Variants in ANKRD6 observed in about 807,000 individuals in gnomAD.
The protein encoded by ANKRD6 is ankyrin repeat domain 6, also known as ankyrin repeat domain-containing protein 6.
ANKRD6 carries 56 observed loss-of-function variants against 82.3 expected under a neutral mutation model. The observed-to-expected ratio is 0.68, with a 90% CI of 0.55 to 0.85. The LOEUF is 0.85. Among genes scored for constraint, ANKRD6 ranks in the 40% least tolerant of loss-of-function variants. The pLI, the probability that ANKRD6 is intolerant of heterozygous loss-of-function variation, is 0.00. For synonymous variants in ANKRD6, 347 were observed against 352.1 expected, an observed-to-expected ratio of 0.99 and a Z score of 0.16; for missense variants, 852 against 907.6, an observed-to-expected ratio of 0.94 and a Z score of 0.79.
In ANKRD6 at chr6:89,499,377, G is replaced by A. The variant is rs186072685; in HGVS notation, c.-144+66002G>A. 3.3e-4 allele frequency among the ~76,000 whole-genome samples: 50 copies of A among 152,298 alleles called. 1 individual carries two copies. The East Asian group carries it at 9.6e-3, about 29-fold the overall frequency. ...TGAGCCTGCTTTTTTGTTACTTGCA[G>A]CTGATTACATGCTTCATTGATACTT... On this transcript the variant is annotated intron_variant, in intron 1 of 15. Coordinates refer to ENST00000339746, the MANE Select transcript of ANKRD6 (RefSeq NM_001242809.2).
chr6:89,445,508 G>A (rs1000280792), intron 1 of ANKRD6, among the ~76,000 whole-genome samples: 31 of 152,058 alleles, frequency 2.0e-4, no homozygotes, highest in African/African-American at 6.8e-4. Context: ...GTGCAGTCAA[G>A]CAATCTCTGC....
chr6:89,539,662 C>A (rs1039181250), intron 1 of ANKRD6, among the ~76,000 whole-genome samples: 1 of 151,844 alleles, frequency 6.6e-6, no homozygotes. Context: ...ATTTATCCAT[C>A]GAGTTGCATT....
intron 4 of ANKRD6, 145 bp downstream of exon 4, chr6:89,603,272 C>A: frequency 2.0e-5 from 12 of 588,812 alleles, no homozygotes; most frequent in Non-Finnish European, 2.9e-5. Context: ...ATGATTAAAT[C>A]AGCCTAAAAT....
At chr6:89,506,781 G>A (rs183929136) in intron 1 of ANKRD6, among the ~76,000 whole-genome samples, 12 of 152,168 alleles carry the variant, frequency 7.9e-5, no homozygotes, top group African/African-American at 9.7e-5. Flanking sequence ...TAGTTGGTTC[G>A]CATCCCGATC....
chr6:89,472,936 C>T (rs188445128), intron 1 of ANKRD6, among the ~76,000 whole-genome samples: 1 of 152,258 alleles, frequency 6.6e-6, no homozygotes, highest in East Asian at 1.9e-4. Context: ...ACTACTTATA[C>T]TTTTTATTTA....
chr6:89,438,127 A>T (rs931421693), intron 1 of ANKRD6, among the ~76,000 whole-genome samples: 2 of 152,206 alleles, frequency 1.3e-5, no homozygotes, highest in Non-Finnish European at 2.9e-5. Flanking sequence ...ACTTCAATAA[A>T]TCATGATTTG....
intron 9 of ANKRD6, among the ~76,000 whole-genome samples, chr6:89,619,163 C>T (rs887260412): frequency 6.6e-6 from 1 of 152,076 alleles, no homozygotes; most frequent in African/African-American, 2.4e-5. Flanking sequence ...TCTCAGTGGT[C>T]TCTGGAAGGC....
Position 89,546,567 on chromosome 6 carries a change from G to A in ANKRD6, c.-143-20267G>A, listed in dbSNP as rs193068923. On this transcript the variant is annotated intron_variant, in intron 1 of 15. Transcript: ENST00000339746. ...CAGTCTCCACCTCCAAGGTTCAAGC[G>A]ATTCTTGTGCCTCAGCCTCTCGAGT... is the stretch of plus-strand genomic sequence containing the variant. Among the ~76,000 whole-genome samples, 343 of 151,926 alleles carry A rather than the reference G, an allele frequency of 2.3e-3. 3 individuals carry two copies. Among genetic ancestry groups the A allele is most frequent in the African/African-American group, 7.8e-3 (325 of 41,450 alleles).
intron 1 of ANKRD6, among the ~76,000 whole-genome samples, chr6:89,507,103 A>G (rs558772807): frequency 5.8e-4 from 89 of 152,370 alleles, no homozygotes; most frequent in Non-Finnish European, 9.6e-4. Context: ...TAACATTGTG[A>G]TGACCACCTC....
intron 1 of ANKRD6, among the ~76,000 whole-genome samples, chr6:89,553,410 C>T (rs1786128128): frequency 6.6e-6 from 1 of 152,088 alleles, no homozygotes; most frequent in Non-Finnish European, 1.5e-5. Flanking sequence ...TGTGGGATAG[C>T]GTAGAAGAAA....
At chr6:89,473,889 A>G (rs1775754205) in intron 1 of ANKRD6, among the ~76,000 whole-genome samples, 1 of 152,152 alleles carries the variant, frequency 6.6e-6, no homozygotes, top group Non-Finnish European at 1.5e-5. Flanking sequence ...CTGGGGCAGG[A>G]GACTCGCTTG....
chr6:89,473,402 A>T (rs1452234537), intron 1 of ANKRD6, among the ~76,000 whole-genome samples: 4 of 133,588 alleles, frequency 3.0e-5, no homozygotes, highest in African/African-American at 1.2e-4. Context: ...GACTCTGTCT[A>T]AAAAAAAAAA....
intron 14 of ANKRD6, chr6:89,628,904 C>T (rs1427425591): frequency 9.0e-6 from 5 of 558,654 alleles, no homozygotes; most frequent in African/African-American, 3.8e-5. Flanking sequence ...ACCTCCAACA[C>T]TGGGGATCAA....
Position 89,606,121 on chromosome 6 carries a change from T to C in ANKRD6, c.417+16T>C. The C allele has an allele frequency of 6.5e-7, 1 of 1,533,948 alleles. No individual in the cohort carries two copies. The highest frequency in any genetic ancestry group is 8.8e-7 in the Non-Finnish European group (1 of 1,133,082). ...CAAGAACAAGGTGAGGCCTGGCAGA[T>C]GCTAGAATGCCTCATTCACAGGTGA... is the stretch of plus-strand genomic sequence containing the variant. On this transcript the variant is annotated intron_variant, in intron 5 of 15. Transcript: ENST00000339746.
chr6:89,471,963 AAG>A (rs1219754877), intron 1 of ANKRD6, among the ~76,000 whole-genome samples: 12 of 143,556 alleles, frequency 8.4e-5, no homozygotes, highest in African/African-American at 2.4e-4. Context: ...AAAAAAAAAA[AAG>A]AGAGAGAGAG....
chr6:89,540,842 A>G (rs767411210), intron 1 of ANKRD6, among the ~76,000 whole-genome samples: 29 of 152,138 alleles, frequency 1.9e-4, no homozygotes, highest in Non-Finnish European at 3.2e-4. Flanking sequence ...TCTTCTGCAT[A>G]TGGATATCCA....
intron 1 of ANKRD6, chr6:89,562,572 G>A (rs1787605803): frequency 6.6e-6 from 1 of 152,150 alleles, no homozygotes; most frequent in Non-Finnish European, 1.5e-5. Context: ...GACTTCAATC[G>A]GGGCAGTGTT....
At chr6:89,592,804 A>G (rs914889777) in intron 2 of ANKRD6, among the ~76,000 whole-genome samples, 1 of 152,144 alleles carries the variant, frequency 6.6e-6, no homozygotes, top group Non-Finnish European at 1.5e-5. Flanking sequence ...ACACAAAAAA[A>G]CGTTGCCAGG....
At chr6:89,596,417 A>G (rs1481193594) in intron 3 of ANKRD6, among the ~76,000 whole-genome samples, 1 of 152,020 alleles carries the variant, frequency 6.6e-6, no homozygotes, top group Non-Finnish European at 1.5e-5. Context: ...ACCATTGGAG[A>G]AAAAATGGGG....
Sources: allele counts gnomAD v4.1 joint callset (sites outside exome capture counted in the v4.1 genomes callset), GRCh38; gene constraint gnomAD v4.1.1; transcripts MANE v1.5; gene names NCBI Gene and HGNC (gene_info 2026-07-23, HGNC 2026-07-21).